Variants in TIAM1 observed in about 807,000 individuals in gnomAD.
TIAM1 encodes the protein TIAM Rac1 associated GEF 1, also known as rho guanine nucleotide exchange factor TIAM1.
Under a neutral mutation model 163.5 loss-of-function variants are expected in TIAM1, and 65 were observed. The observed-to-expected ratio is 0.40, with a 90% CI of 0.33 to 0.49. TIAM1 has a LOEUF of 0.49. Among genes scored for constraint, TIAM1 ranks in the 20% least tolerant of loss-of-function variants. The pLI, the probability that TIAM1 is intolerant of heterozygous loss-of-function variation, is 0.77. For missense variants in TIAM1, 1,789 were observed against 2,044.7 expected (o/e 0.87, Z 2.41); for synonymous variants, 833 against 810.1 (o/e 1.03, Z -0.48).
intron 2 of TIAM1, among the ~76,000 whole-genome samples, chr21:31,283,518 T>C (rs2073662072): frequency 6.6e-6 from 1 of 151,798 alleles, no homozygotes; most frequent in Non-Finnish European, 1.5e-5. Flanking sequence ...TTTCTTTCTT[T>C]CTTTCTTTTC....
At chr21:31,483,880 T>C (rs2046191233) in intron 1 of TIAM1, among the ~76,000 whole-genome samples, 1 of 152,102 alleles carries the variant, frequency 6.6e-6, no homozygotes, top group Non-Finnish European at 1.5e-5. Context: ...TATGGAACCC[T>C]GGTCATTGCT....
At chr21:31,308,437 C>CT (rs1601907873) in intron 2 of TIAM1, among the ~76,000 whole-genome samples, 1 of 149,612 alleles carries the variant, frequency 6.7e-6, no homozygotes, top group Non-Finnish European at 1.5e-5. Flanking sequence ...AATATTTAAC[C>CT]TGTAATTATT....
At chr21:31,216,281 T>C (rs1290527092) in intron 9 of TIAM1, among the ~76,000 whole-genome samples, 1 of 152,142 alleles carries the variant, frequency 6.6e-6, no homozygotes, top group East Asian at 1.9e-4. Context: ...CTTAAGTAAA[T>C]TAATGGCTGG....
intron 2 of TIAM1, among the ~76,000 whole-genome samples, chr21:31,429,734 A>G (rs16988267): frequency 0.052 from 7,932 of 152,254 alleles, 691 homozygotes; most frequent in African/African-American, 0.18. Context: ...GCAGTCCAAC[A>G]GCCAGGGCGT....
At chr21:31,134,025 A>C (rs1021625483) in intron 23 of TIAM1, among the ~76,000 whole-genome samples, 4 of 152,010 alleles carry the variant, frequency 2.6e-5, no homozygotes, top group Non-Finnish European at 5.9e-5. Flanking sequence ...CCGAGAACGC[A>C]CCATTGCACT....
intron 2 of TIAM1, among the ~76,000 whole-genome samples, chr21:31,398,693 C>A (rs1228188687): frequency 2.0e-5 from 3 of 152,246 alleles, no homozygotes; most frequent in African/African-American, 7.2e-5. Flanking sequence ...ATTACAATAA[C>A]AAGGGCATTA....
chr21:31,442,456 C>T (rs1212274606), intron 2 of TIAM1, among the ~76,000 whole-genome samples: 1 of 151,914 alleles, frequency 6.6e-6, no homozygotes, highest in African/African-American at 2.4e-5. Flanking sequence ...TGGTATGGAA[C>T]GTCTGACTTC....
chr21:31,307,816 A>G (rs561496852), intron 2 of TIAM1, among the ~76,000 whole-genome samples: 1 of 152,264 alleles, frequency 6.6e-6, no homozygotes, highest in South Asian at 2.1e-4. Flanking sequence ...GACACTGGAG[A>G]GGAGGGAAGG....
At chr21:31,325,022 G>A (rs930822672) in intron 2 of TIAM1, among the ~76,000 whole-genome samples, 3 of 151,998 alleles carry the variant, frequency 2.0e-5, no homozygotes, top group South Asian at 2.1e-4. Flanking sequence ...GCTCACACCT[G>A]TAATCCCAGC....
chr21:31,505,616 G>C (rs1426910308), intron 1 of TIAM1, among the ~76,000 whole-genome samples: 2 of 152,156 alleles, frequency 1.3e-5, no homozygotes, highest in Non-Finnish European at 2.9e-5. Flanking sequence ...GAAAAAATCA[G>C]TGGATCAGCA....
At chr21:31,548,923 A>G (rs1381557245) in intron 1 of TIAM1, among the ~76,000 whole-genome samples, 1 of 152,188 alleles carries the variant, frequency 6.6e-6, no homozygotes, top group African/African-American at 2.4e-5. Context: ...ACAACCAAAA[A>G]TATCTCCAGA....
At chr21:31,394,749 C>T (rs2077032602) in intron 2 of TIAM1, among the ~76,000 whole-genome samples, 1 of 151,068 alleles carries the variant, frequency 6.6e-6, no homozygotes, top group South Asian at 2.1e-4. Flanking sequence ...CACACACACA[C>T]ACACACACAC....
chr21:31,532,465 T>G (rs1053583356), intron 1 of TIAM1, among the ~76,000 whole-genome samples: 5 of 152,192 alleles, frequency 3.3e-5, no homozygotes, highest in Non-Finnish European at 7.3e-5. Flanking sequence ...TCTTACTTCT[T>G]TATTCTTAGA....
intron 2 of TIAM1, among the ~76,000 whole-genome samples, chr21:31,396,611 A>G (rs994402527): frequency 9.4e-5 from 14 of 148,640 alleles, no homozygotes; most frequent in African/African-American, 3.2e-4. Context: ...AATATCAATT[A>G]TATTATCAAT....
intron 4 of TIAM1, among the ~76,000 whole-genome samples, chr21:31,255,986 G>A (rs993020564): frequency 6.6e-6 from 1 of 152,160 alleles, no homozygotes; most frequent in Non-Finnish European, 1.5e-5. Flanking sequence ...ATGCACAAGT[G>A]GCCAGCTGTA....
chr21:31,181,785 T>C (rs1398301781), intron 15 of TIAM1, among the ~76,000 whole-genome samples: 20 of 83,680 alleles, frequency 2.4e-4, no homozygotes, highest in Middle Eastern at 5.2e-3. Context: ...TTTTTTTTTT[T>C]TTTTTTTTTT....
chr21:31,173,074 T>A (rs1387732217), intron 15 of TIAM1, among the ~76,000 whole-genome samples: 3 of 152,144 alleles, frequency 2.0e-5, no homozygotes, highest in African/African-American at 4.8e-5. Flanking sequence ...TTAGTGCAGT[T>A]TACATTGAGA....
chr21:31,332,794 CA>C (rs563454311), intron 2 of TIAM1, among the ~76,000 whole-genome samples: 1,481 of 130,538 alleles, frequency 0.011, 13 homozygotes, highest in African/African-American at 0.034. Context: ...CAATGATCTA[CA>C]AAAAAAAAAA....
At chr21:31,556,311 G>A (rs2048876958) in intron 1 of TIAM1, among the ~76,000 whole-genome samples, 2 of 152,192 alleles carry the variant, frequency 1.3e-5, no homozygotes, top group African/African-American at 2.4e-5. Context: ...AGGGGTTCAC[G>A]GGAGTCAGAT....
Sources: gnomAD v4.1 joint callset for allele counts (sites outside exome capture counted in the v4.1 genomes callset) on GRCh38, gnomAD v4.1.1 for gene constraint, MANE v1.5 for transcripts, NCBI Gene and HGNC (gene_info 2026-07-23, HGNC 2026-07-21) for gene names.